The following WWOX variants were observed in gnomAD, a reference collection of about 807,000 sequenced individuals.
WWOX encodes the protein WW domain-containing oxidoreductase.
In WWOX, 69 loss-of-function variants were observed where a neutral mutation model predicts 46.2. That is an observed-to-expected ratio of 1.49 (90% CI 1.23 to 1.82). WWOX has a LOEUF of 1.82. WWOX is among the 40% of genes most tolerant of loss of function. WWOX has a pLI of 0.00. For synonymous variants in WWOX, 359 were observed against 202.6 expected, an observed-to-expected ratio of 1.77 and a Z score of -6.56; for missense variants, 919 against 542.6, an observed-to-expected ratio of 1.69 and a Z score of -6.89.
chr16:78,169,502 C>A (rs1278228775), intron 5 of WWOX, among the ~76,000 whole-genome samples: 1 of 149,798 alleles, frequency 6.7e-6, no homozygotes, highest in Non-Finnish European at 1.5e-5. Flanking sequence ...ATGTAAAGAA[C>A]AAGAGCTTAT....
chr16:78,862,819 C>G (rs752575547), intron 8 of WWOX, among the ~76,000 whole-genome samples: 2 of 152,164 alleles, frequency 1.3e-5, no homozygotes, highest in South Asian at 2.1e-4. Context: ...CTGCTTTACT[C>G]ATAGTACTAA....
At chr16:78,353,199 G>T (rs1161811403) in intron 5 of WWOX, among the ~76,000 whole-genome samples, 3 of 152,074 alleles carry the variant, frequency 2.0e-5, no homozygotes, top group African/African-American at 7.2e-5. Context: ...ACTCTTCATT[G>T]CTGCTTTGCA....
At chr16:78,689,480 A>G (rs769333452) in intron 8 of WWOX, among the ~76,000 whole-genome samples, 1 of 152,204 alleles carries the variant, frequency 6.6e-6, no homozygotes, top group Admixed American at 6.5e-5. Context: ...CTTCTCAACT[A>G]GACCTTGACC....
At chr16:78,828,895 G>C (rs2051734708) in intron 8 of WWOX, among the ~76,000 whole-genome samples, 1 of 152,184 alleles carries the variant, frequency 6.6e-6, no homozygotes, top group African/African-American at 2.4e-5. Context: ...CTAAAATGTA[G>C]ATGTAGTTTT....
intron 8 of WWOX, among the ~76,000 whole-genome samples, chr16:78,542,018 CA>C (rs548366256): frequency 0.028 from 1,143 of 40,552 alleles, 1 homozygote; most frequent in African/African-American, 0.079. Flanking sequence ...CAGAGTATAC[CA>C]AAAAAAAAAA....
intron 8 of WWOX, among the ~76,000 whole-genome samples, chr16:79,163,464 G>T (rs2050527078): frequency 1.3e-5 from 2 of 152,132 alleles, no homozygotes; most frequent in Admixed American, 1.3e-4. Context: ...ACTTTGGACA[G>T]TGCCTTGCAC....
At chr16:78,454,569 G>T (rs1160985076) in intron 8 of WWOX, among the ~76,000 whole-genome samples, 1 of 152,098 alleles carries the variant, frequency 6.6e-6, no homozygotes, top group East Asian at 1.9e-4. Context: ...GCAATGGCAC[G>T]ATCTCTGCTG....
intron 5 of WWOX, among the ~76,000 whole-genome samples, chr16:78,356,611 G>A (rs958227402): frequency 6.6e-5 from 10 of 152,220 alleles, no homozygotes; most frequent in South Asian, 2.1e-4. Flanking sequence ...GGCTGGGCAC[G>A]GTGGCTCACG....
At chr16:78,494,312 C>A (rs1343957226) in intron 8 of WWOX, among the ~76,000 whole-genome samples, 3 of 152,148 alleles carry the variant, frequency 2.0e-5, no homozygotes, top group Non-Finnish European at 4.4e-5. Context: ...GAGGTCCCTT[C>A]TCCAACACAG....
intron 8 of WWOX, among the ~76,000 whole-genome samples, chr16:78,481,400 A>C (rs1014204695): frequency 2.0e-5 from 3 of 152,144 alleles, no homozygotes; most frequent in Admixed American, 6.6e-5. Context: ...AATAGAGGTG[A>C]AAATCCTGAA....
At chr16:78,529,488 A>T (rs1463327926) in intron 8 of WWOX, among the ~76,000 whole-genome samples, 1 of 151,764 alleles carries the variant, frequency 6.6e-6, no homozygotes, top group South Asian at 2.1e-4. Flanking sequence ...ATTTTTTGAG[A>T]TGGAGTCTTG....
At chr16:78,449,950 G>A (rs867820099) in intron 8 of WWOX, among the ~76,000 whole-genome samples, 1 of 151,452 alleles carries the variant, frequency 6.6e-6, no homozygotes, top group Non-Finnish European at 1.5e-5. Flanking sequence ...TCATTTCAAA[G>A]CCTGTGTAGA....
chr16:78,872,198 G>A (rs2044143773), intron 8 of WWOX, among the ~76,000 whole-genome samples: 1 of 152,172 alleles, frequency 6.6e-6, no homozygotes, highest in Admixed American at 6.5e-5. Flanking sequence ...ATAGAACCAG[G>A]CTGCCTGGAT....
At chr16:78,726,659 A>C (rs1353918180) in intron 8 of WWOX, among the ~76,000 whole-genome samples, 1 of 151,996 alleles carries the variant, frequency 6.6e-6, no homozygotes, top group Non-Finnish European at 1.5e-5. Flanking sequence ...TCAACTAAAC[A>C]ATTTATTAGG....
intron 5 of WWOX, among the ~76,000 whole-genome samples, chr16:78,194,566 C>T (rs955259700): frequency 4.6e-5 from 6 of 131,324 alleles, no homozygotes; most frequent in East Asian, 2.3e-4. Context: ...CCAGGCTGGG[C>T]GACAGAGTGA....
intron 8 of WWOX, among the ~76,000 whole-genome samples, chr16:78,717,919 A>G (rs772422657): frequency 6.6e-6 from 1 of 152,166 alleles, no homozygotes; most frequent in African/African-American, 2.4e-5. Context: ...AGTGGACCCA[A>G]CACCAAGTGT....
chr16:78,225,112 A>G (rs990469879), intron 5 of WWOX, among the ~76,000 whole-genome samples: 2 of 152,214 alleles, frequency 1.3e-5, no homozygotes, highest in African/African-American at 4.8e-5. Context: ...AAGATCATAG[A>G]GTGTATTTAC....
chr16:78,686,266 C>G (rs571040082), intron 8 of WWOX, among the ~76,000 whole-genome samples: 1 of 152,194 alleles, frequency 6.6e-6, no homozygotes, highest in Admixed American at 6.5e-5. Flanking sequence ...AATCCCAGGA[C>G]TTTGGGAGGC....
intron 8 of WWOX, among the ~76,000 whole-genome samples, chr16:78,987,091 G>C (rs933147299): frequency 6.6e-6 from 1 of 152,138 alleles, no homozygotes; most frequent in Non-Finnish European, 1.5e-5. Flanking sequence ...AGCTTTTAAG[G>C]AGAACTAACT....
Sources: gnomAD v4.1 joint callset for allele counts (sites outside exome capture counted in the v4.1 genomes callset) on GRCh38, gnomAD v4.1.1 for gene constraint, MANE v1.5 for transcripts, NCBI Gene and HGNC (gene_info 2026-07-23, HGNC 2026-07-21) for gene names.